The following ACACA variants were observed in gnomAD, a reference collection of about 807,000 sequenced individuals.
The protein encoded by ACACA is acetyl-CoA carboxylase alpha.
A neutral mutation model predicts 296.1 loss-of-function variants in ACACA; 103 were observed. The observed-to-expected ratio is 0.35, with a 90% CI of 0.30 to 0.41. The LOEUF is 0.41. Among genes scored for constraint, ACACA ranks in the 10% least tolerant of loss-of-function variants. The pLI, the probability that ACACA is intolerant of heterozygous loss-of-function variation, is 1.00. For synonymous variants in ACACA, 953 were observed against 1,038.6 expected, an observed-to-expected ratio of 0.92 and a Z score of 1.58; for missense variants, 1,554 against 2,989.7, an observed-to-expected ratio of 0.52 and a Z score of 11.20.
chr17:37,151,432 T>C lies in ACACA; in HGVS notation c.5448-11A>G, dbSNP rs2076033674. 6.2e-7 allele frequency: 1 copy of C among 1,613,440 alleles called. No homozygotes were observed. Among genetic ancestry groups the C allele is most frequent in the Non-Finnish European group, 8.5e-7 (1 of 1,179,770 alleles). On this transcript the variant is annotated splice_polypyrimidine_tract_variant and intron_variant, in intron 43 of 55. Coordinates refer to ENST00000616317, the MANE Select transcript of ACACA (RefSeq NM_198834.3). ...TCTGTTATCTTGTACCTATTGGATA[T>C]GGCCATGTCAAATTATGAATGTTAA... is the stretch of plus-strand genomic sequence containing the variant.
At chr17:37,203,438 A>G (rs1385199018) in intron 33 of ACACA, among the ~76,000 whole-genome samples, 1 of 152,004 alleles carries the variant, frequency 6.6e-6, no homozygotes, top group African/African-American at 2.4e-5. Flanking sequence ...AGCAGCAGCC[A>G]CATATAATAT....
At chr17:37,117,031 A>T (rs1321399727) in intron 50 of ACACA, among the ~76,000 whole-genome samples, 1 of 152,208 alleles carries the variant, frequency 6.6e-6, no homozygotes, top group Non-Finnish European at 1.5e-5. Context: ...AATGGTGACC[A>T]CACACAACCT....
At chr17:37,110,973 A>C (rs1055735531) in intron 52 of ACACA, among the ~76,000 whole-genome samples, 10 of 152,294 alleles carry the variant, frequency 6.6e-5, no homozygotes, top group African/African-American at 2.2e-4. Context: ...AAAGCTCTGA[A>C]AACAAATGAG....
chr17:37,405,685 TG>T (rs1186415892), intron 1 of ACACA, among the ~76,000 whole-genome samples: 2 of 152,038 alleles, frequency 1.3e-5, no homozygotes, highest in African/African-American at 4.8e-5. Flanking sequence ...CCGGAGTAGC[TG>T]GGATTACAGG....
At chr17:37,277,421 A>C (rs1351194868) in intron 6 of ACACA, among the ~76,000 whole-genome samples, 1 of 152,240 alleles carries the variant, frequency 6.6e-6, no homozygotes, top group African/African-American at 2.4e-5. Context: ...TTTCTAGAAA[A>C]ACTGGCTATG....
intron 47 of ACACA, 70 bp from the exon 48 acceptor site, chr17:37,125,864 G>T: frequency 7.4e-7 from 1 of 1,351,592 alleles, no homozygotes. Context: ...TGGAACTGAC[G>T]AATTTAAGGT....
chr17:37,094,215 T>C (rs892366520), intron 54 of ACACA, among the ~76,000 whole-genome samples: 6 of 152,268 alleles, frequency 3.9e-5, no homozygotes, highest in African/African-American at 1.4e-4. Context: ...TCCTACTATT[T>C]CCTACAGTAG....
At chr17:37,283,819 C>T (rs2082653341) in intron 4 of ACACA, among the ~76,000 whole-genome samples, 1 of 152,206 alleles carries the variant, frequency 6.6e-6, no homozygotes, top group Non-Finnish European at 1.5e-5. Context: ...GTACAGAGCA[C>T]TGAACATGTT....
At chr17:37,323,160 T>C (rs1208035037) in intron 3 of ACACA, among the ~76,000 whole-genome samples, 1 of 152,264 alleles carries the variant, frequency 6.6e-6, no homozygotes, top group African/African-American at 2.4e-5. Flanking sequence ...AGCCCAAAAG[T>C]GCTTCCCATG....
At chr17:37,261,179 G>A (rs999765496) in intron 11 of ACACA, among the ~76,000 whole-genome samples, 1 of 152,014 alleles carries the variant, frequency 6.6e-6, no homozygotes, top group Non-Finnish European at 1.5e-5. Context: ...TCAGAGTGTC[G>A]AAAAAGCCAA....
intron 50 of ACACA, among the ~76,000 whole-genome samples, chr17:37,118,589 G>GC (rs2074370518): frequency 6.6e-6 from 1 of 152,102 alleles, no homozygotes; most frequent in Non-Finnish European, 1.5e-5. Flanking sequence ...CTGGTTTTAG[G>GC]CTCTAACTGT....
chr17:37,211,805 G>A (rs758609556), intron 29 of ACACA, among the ~76,000 whole-genome samples: 2 of 152,204 alleles, frequency 1.3e-5, no homozygotes, highest in Non-Finnish European at 2.9e-5. Context: ...CATCAAACCT[G>A]TATCACAGAG....
chr17:37,099,379 G>A (rs550215036), intron 52 of ACACA, among the ~76,000 whole-genome samples: 5 of 152,212 alleles, frequency 3.3e-5, no homozygotes, highest in East Asian at 1.9e-4. Flanking sequence ...CAGCATGAAC[G>A]CACCGGGCCC....
At chr17:37,217,751 A>AC (rs2079085090) in intron 29 of ACACA, among the ~76,000 whole-genome samples, 6 of 142,636 alleles carry the variant, frequency 4.2e-5, no homozygotes, top group African/African-American at 1.4e-4. Flanking sequence ...AAAAAAAAAA[A>AC]AAAAAAAAAA....
intron 10 of ACACA, among the ~76,000 whole-genome samples, chr17:37,268,741 C>CTATCTATCTATATA (rs1219982787): frequency 5.0e-4 from 47 of 94,506 alleles, no homozygotes; most frequent in African/African-American, 1.2e-3. Flanking sequence ...ATCTATCTAT[C>CTATCTATCTATATA]TATATATATA....
chr17:37,380,640 C>G (rs1394300075), intron 1 of ACACA, among the ~76,000 whole-genome samples: 1 of 151,992 alleles, frequency 6.6e-6, no homozygotes, highest in Admixed American at 6.6e-5. Context: ...TTCTGTCACC[C>G]AGGTTGGAGT....
chr17:37,128,040 A>C (rs1292155988), intron 47 of ACACA, among the ~76,000 whole-genome samples: 266 of 148,588 alleles, frequency 1.8e-3, no homozygotes, highest in African/African-American at 6.2e-3. Flanking sequence ...AAAAAAAAAA[A>C]AAAAAAAAAA....
At chr17:37,405,570 GA>G (rs1290385846) in intron 1 of ACACA, among the ~76,000 whole-genome samples, 2 of 151,814 alleles carry the variant, frequency 1.3e-5, no homozygotes, top group Non-Finnish European at 2.9e-5. Context: ...TTTTCTTTTT[GA>G]GACAGAGTTT....
At chr17:37,200,506 CA>C (rs768296729) in intron 33 of ACACA, 23 bp from the exon 34 acceptor site, 9 of 1,595,092 alleles carry the variant, frequency 5.6e-6, no homozygotes, top group Non-Finnish European at 7.7e-6. Flanking sequence ...ACATGTAAAA[CA>C]GAAGATAGAT....
Sources: allele counts gnomAD v4.1 joint callset (sites outside exome capture counted in the v4.1 genomes callset), GRCh38; gene constraint gnomAD v4.1.1; transcripts MANE v1.5; gene names NCBI Gene and HGNC (gene_info 2026-07-23, HGNC 2026-07-21).